RBBP6: variants seen among roughly 807,000 people sequenced by gnomAD.
The protein encoded by RBBP6 is RB binding protein 6, ubiquitin ligase.
RBBP6 carries 25 observed loss-of-function variants against 167.7 expected under a neutral mutation model. That is an observed-to-expected ratio of 0.15 (90% CI 0.11 to 0.21). RBBP6 has a LOEUF of 0.21. RBBP6 is among the 10% of genes least tolerant of loss of function. RBBP6 has a pLI of 1.00. For missense variants in RBBP6, 1,868 were observed against 2,134.2 expected (o/e 0.88, Z 2.46); for synonymous variants, 789 against 735.8 (o/e 1.07, Z -1.17).
intron 14 of RBBP6, 55 bp from the exon 15 acceptor site, chr16:24,567,087 CT>C: frequency 6.6e-7 from 1 of 1,524,262 alleles, no homozygotes. Context: ...GATAAGCTTA[CT>C]TGTCTCAGAT....
rs1899373960 is a variant in RBBP6, at chr16:24,572,807, A to T, written c.*362A>T. The T allele has an allele frequency of 5.4e-6, 1 of 183,700 alleles. No individual in the cohort carries two copies. The highest frequency in any genetic ancestry group is 2.4e-5 in the African/African-American group (1 of 42,134). The allele number at this position is 183,700 out of a possible 1,614,324, so 11.4% of individuals were successfully genotyped here. The stretch of plus-strand genomic sequence containing the variant: ...AGCAGAATGATTTGCTGAATTCATT[A>T]CAACCCTGTTATGTCACTTTTTGAT... On this transcript the variant is annotated 3_prime_UTR_variant, in exon 18 of 18. Transcript: ENST00000319715.
chr16:24,567,036 T>C, intron 14 of RBBP6, 107 bp from the exon 15 acceptor site: 1 of 1,198,424 alleles, frequency 8.3e-7, no homozygotes, highest in Non-Finnish European at 1.1e-6. Context: ...GTTGGTTCTA[T>C]TCCACTGTTT....
chr16:24,565,001 G>T (rs1899158536), intron 14 of RBBP6, 136 bp downstream of exon 14: 2 of 1,347,070 alleles, frequency 1.5e-6, no homozygotes, highest in African/African-American at 3.0e-5. Flanking sequence ...CTTAAGTCCT[G>T]GGTAGTTGTC....
chr16:24,545,991 C>T (rs76736091), intron 1 of RBBP6, among the ~76,000 whole-genome samples, 172 bp from the exon 2 acceptor site: 4 of 152,240 alleles, frequency 2.6e-5, no homozygotes, highest in African/African-American at 4.8e-5. Flanking sequence ...AAAAGAAGCC[C>T]TCTTAGGGCT....
rs1279131593 is a variant in RBBP6 at position 24,572,360 on chromosome 16, A to T, written c.5294A>T (p.His1765Leu). ...TTGGAAAAAAGCCAAAAACACAAAC[A>T]CAAGAAAAAGAAGTCAAAGAAGAAC... ...VELEKSQKHK[H>L]KKKKSKKNKD... Residue 1765 changes from histidine (H) to leucine (L), a missense_variant, in exon 18 of 18, where the codon CAC (histidine) becomes CTC (leucine). Physicochemically the swap from His to Leu is moderately conservative, Grantham distance 99 (BLOSUM62 -3). Around this residue, in one of 7 missense-constraint regions of RBBP6, gnomAD observed 591 missense variants for 540.5 expected, o/e 1.09. Transcript: ENST00000319715. The T allele has an allele frequency of 6.4e-7, 1 of 1,552,234 alleles. No individual in the cohort carries two copies. The highest frequency in any genetic ancestry group is 8.7e-7 in the Non-Finnish European group (1 of 1,147,302).
At position 24,571,149 on chromosome 16, in the gene RBBP6, G is replaced by C. The variant is rs770390575; in HGVS notation, c.4083G>C (p.Lys1361Asn). 6.2e-7 allele frequency: 1 copy of C among 1,613,620 alleles called. No individual in the cohort carries two copies. Among genetic ancestry groups the C allele is most frequent in the East Asian group, 2.2e-5 (1 of 44,868 alleles). The change falls in exon 18 of 18, where the codon AAG (lysine) becomes AAC (asparagine). Residue 1361 changes from lysine to asparagine, a missense_variant. By Grantham distance (94) the Lys-to-Asn change is moderately conservative. Coordinates refer to ENST00000319715, the MANE Select transcript of RBBP6 (RefSeq NM_006910.5). Reference protein sequence around the residue: ...NVSTKPSNIVKYPEKESEPSE... With the variant: ...NVSTKPSNIVNYPEKESEPSE... ...GTACAAAGCCATCAAATATAGTCAA[G>C]TATCCTGAGAAAGAAAGTGAGCCAT...
chr16:24,543,386 T>G (rs898001070), intron 1 of RBBP6, among the ~76,000 whole-genome samples: 1 of 150,448 alleles, frequency 6.6e-6, no homozygotes, highest in Non-Finnish European at 1.5e-5. Context: ...CAGGCCCAGG[T>G]GATCCTCCCA....
chr16:24,563,189 T>C lies in RBBP6; in HGVS notation c.1290-10T>C. ...AATTTTTAATGTATTATAATTTATGTTTTTTAAAGGGATTCTGATAATAAA... is the reference window on the plus strand; with the variant it reads ...AATTTTTAATGTATTATAATTTATGCTTTTTAAAGGGATTCTGATAATAAA... On this transcript the variant is annotated splice_polypyrimidine_tract_variant and intron_variant, in intron 10 of 17. Coordinates refer to ENST00000319715, the MANE Select transcript of RBBP6 (RefSeq NM_006910.5). 1.3e-6 allele frequency: 2 copies of C among 1,589,138 alleles called. No individual in the cohort carries two copies. The highest frequency in any genetic ancestry group is 1.2e-5 in the South Asian group (1 of 86,130).
intron 8 of RBBP6, 43 bp downstream of exon 8, chr16:24,559,720 T>G: frequency 6.9e-7 from 1 of 1,452,952 alleles, no homozygotes; most frequent in Non-Finnish European, 9.1e-7. Flanking sequence ...TTTAGAATAT[T>G]TGTATTTACT....
intron 8 of RBBP6, 66 bp from the exon 9 acceptor site, chr16:24,561,546 A>T (rs1596508673): frequency 7.6e-7 from 1 of 1,317,088 alleles, no homozygotes; most frequent in East Asian, 2.3e-5. Context: ...CCATCCTTTT[A>T]ATTCATTTCG....
chr16:24,541,397 C>T (rs1282294828), intron 1 of RBBP6, among the ~76,000 whole-genome samples: 4 of 152,104 alleles, frequency 2.6e-5, no homozygotes, highest in South Asian at 2.1e-4. Flanking sequence ...GTTCTGATGT[C>T]ACCGCTCTTG....
chr16:24,562,524 ATAGG>A (rs1278836493), intron 10 of RBBP6, among the ~76,000 whole-genome samples: 1 of 152,154 alleles, frequency 6.6e-6, no homozygotes, highest in East Asian at 1.9e-4. Flanking sequence ...AACAGTTTAG[ATAGG>A]TAGAGAAGAG....
At chr16:24,544,063 A>T (rs1170872405) in intron 1 of RBBP6, among the ~76,000 whole-genome samples, 1 of 152,220 alleles carries the variant, frequency 6.6e-6, no homozygotes, top group East Asian at 1.9e-4. Context: ...TTAAAAAGTC[A>T]GTTAGAACAT....
chr16:24,564,791 A>G lies in RBBP6; in HGVS notation c.1521-6A>G, dbSNP rs16973832. 5,810 of 1,611,906 alleles carry G rather than the reference A, an allele frequency of 3.6e-3. 182 individuals carry two copies. The African/African-American group carries it at 0.067, about 19-fold the overall frequency. ...ACTTGAGCCTATTTTTTTTTCTCCC[A>G]CACAGTTCCAACAAACTTGGCTATC... On this transcript the variant is annotated splice_polypyrimidine_tract_variant and splice_region_variant and intron_variant, in intron 13 of 17. Coordinates refer to ENST00000319715, the MANE Select transcript of RBBP6 (RefSeq NM_006910.5).
chr16:24,562,309 G>C lies in RBBP6; in HGVS notation c.1289+148G>C, dbSNP rs1899082526. On this transcript the variant is annotated intron_variant, in intron 10 of 17. Coordinates refer to ENST00000319715, the MANE Select transcript of RBBP6 (RefSeq NM_006910.5). ...TTGTAAGAAGTGACTTAGTCTTATT[G>C]GGGGAAGAGGAAAACAAACGTGATT... 6 of 779,404 alleles carry C rather than the reference G, an allele frequency of 7.7e-6. No individual in the cohort carries two copies. In the South Asian group the frequency reaches 1.1e-4, roughly 14 times the overall value. 48.3% of individuals were successfully genotyped at this position (779,404 alleles called of 1,614,324 possible).
In RBBP6 at chr16:24,572,421, A is replaced by G. The variant is rs1238699159; in HGVS notation, c.5355A>G (p.Gln1785=). 9.8e-6 allele frequency: 15 copies of G among 1,530,578 alleles called. No homozygotes were observed. The East Asian group carries it at 2.7e-4, about 27-fold the overall frequency. 94.8% of individuals were successfully genotyped at this position (1,530,578 alleles called of 1,614,324 possible). A position where few individuals can be genotyped will look rare whatever the true frequency, so the allele number is the denominator to read the frequency against. The change falls in exon 18 of 18, where the codon CAA becomes CAG. Residue 1785 remains glutamine (Q), a synonymous_variant. Transcript: ENST00000319715. ...DKEKEKEKDD[Q]KVKSVTV ...AGAAGGAGAAGGAGAAAGATGACCA[A>G]AAAGTGAAATCTGTCACTGTGTAAA...
intron 7 of RBBP6, chr16:24,558,523 AAC>A: frequency 1.0e-6 from 1 of 978,086 alleles, no homozygotes; most frequent in Non-Finnish European, 1.2e-6. Flanking sequence ...CAACACAAAT[AAC>A]ACACCTAAGG....
intron 1 of RBBP6, among the ~76,000 whole-genome samples, chr16:24,543,138 A>AT (rs996694795): frequency 1.3e-5 from 2 of 152,270 alleles, no homozygotes; most frequent in Admixed American, 6.5e-5. Flanking sequence ...TATTCAACAT[A>AT]TTTACTAAAG....
At chr16:24,542,504 G>A (rs1487977188) in intron 1 of RBBP6, among the ~76,000 whole-genome samples, 2 of 151,496 alleles carry the variant, frequency 1.3e-5, no homozygotes, top group Non-Finnish European at 2.9e-5. Flanking sequence ...TGTCACCCAG[G>A]CTGGAGTGCA....
Sources: gnomAD v4.1 joint callset for allele counts (sites outside exome capture counted in the v4.1 genomes callset) on GRCh38, gnomAD v4.1.1 for gene constraint, gnomAD v4.1.1 regional missense constraint, MANE v1.5 for transcripts, NCBI Gene and HGNC (gene_info 2026-07-23, HGNC 2026-07-21) for gene names.